Variants in ARHGAP24 observed in about 807,000 individuals in gnomAD.
ARHGAP24 encodes the protein Rho GTPase activating protein 24.
A neutral mutation model predicts 76.4 loss-of-function variants in ARHGAP24; 50 were observed. That is an observed-to-expected ratio of 0.65 (90% confidence interval 0.52 to 0.83). ARHGAP24 has a LOEUF of 0.83. Among genes scored for constraint, ARHGAP24 ranks in the 40% least tolerant of loss-of-function variants. The pLI is 0.00. For synonymous variants in ARHGAP24, 345 were observed against 323.3 expected (o/e 1.07, Z -0.72); for missense variants, 930 against 914.2 (o/e 1.02, Z -0.22).
rs532848418 is a variant in ARHGAP24, at chr4:85,945,128, G to A, written c.599+2855G>A. ...CCCAAAGTGCTGGGATTATAGGCGT[G>A]AGCCACCGCACCCGACCTTTTTTCT... On this transcript the variant is annotated intron_variant, in intron 5 of 9. Coordinates refer to ENST00000395184, the MANE Select transcript of ARHGAP24 (RefSeq NM_001025616.3). 2.9e-3 allele frequency among the ~76,000 whole-genome samples: 441 copies of A among 152,114 alleles called. 2 individuals are homozygous for A. The highest frequency in any genetic ancestry group is 7.8e-3 in the African/African-American group (325 of 41,494).
intron 2 of ARHGAP24, among the ~76,000 whole-genome samples, chr4:85,594,924 A>G (rs1719745161): frequency 6.6e-6 from 1 of 152,076 alleles, no homozygotes; most frequent in Non-Finnish European, 1.5e-5. Context: ...CTATTTAGAA[A>G]AATGAATTTA....
intron 3 of ARHGAP24, among the ~76,000 whole-genome samples, chr4:85,904,509 T>C (rs962483727): frequency 6.6e-6 from 1 of 152,168 alleles, no homozygotes; most frequent in Non-Finnish European, 1.5e-5. Flanking sequence ...ACAAACTATA[T>C]CAAATGTCTT....
At chr4:85,527,722 C>T (rs748621172) in intron 1 of ARHGAP24, among the ~76,000 whole-genome samples, 10 of 151,834 alleles carry the variant, frequency 6.6e-5, no homozygotes, top group Non-Finnish European at 1.2e-4. Flanking sequence ...ATCCTGTTTC[C>T]CAAGCATCAT....
chr4:85,764,393 G>T (rs932295973), intron 3 of ARHGAP24, among the ~76,000 whole-genome samples: 1 of 152,110 alleles, frequency 6.6e-6, no homozygotes, highest in South Asian at 2.1e-4. Context: ...TCAATAAAAC[G>T]CATTCCCAAG....
At chr4:85,961,479 CTT>C (rs1384026534) in intron 5 of ARHGAP24, among the ~76,000 whole-genome samples, 1 of 151,962 alleles carries the variant, frequency 6.6e-6, no homozygotes, top group African/African-American at 2.4e-5. Context: ...GATTTGTTTA[CTT>C]TATTTATTTT....
chr4:85,897,301 T>C (rs1353176060), intron 3 of ARHGAP24, among the ~76,000 whole-genome samples: 1 of 151,992 alleles, frequency 6.6e-6, no homozygotes, highest in Non-Finnish European at 1.5e-5. Flanking sequence ...GAAGGAAAAA[T>C]CACTCCACAG....
intron 1 of ARHGAP24, 66 bp from the exon 2 acceptor site, chr4:85,570,442 TCTGGAGAAGAGTGG>T: frequency 1.2e-6 from 1 of 848,738 alleles, no homozygotes. Context: ...TTTTTTTTTT[TCTGGAGAAGAGTGG>T]TTTAAAAGGG....
intron 3 of ARHGAP24, among the ~76,000 whole-genome samples, chr4:85,745,017 T>G (rs1235820763): frequency 6.6e-6 from 1 of 152,146 alleles, no homozygotes; most frequent in Non-Finnish European, 1.5e-5. Context: ...TCTCCACTAT[T>G]AATTCCAAAC....
At chr4:85,720,964 G>T (rs1216279499) in intron 2 of ARHGAP24, among the ~76,000 whole-genome samples, 1 of 152,014 alleles carries the variant, frequency 6.6e-6, no homozygotes, top group Non-Finnish European at 1.5e-5. Context: ...GTACAGTGAA[G>T]AAATAGATTC....
chr4:85,751,480 G>T (rs945777438), intron 3 of ARHGAP24, among the ~76,000 whole-genome samples: 5 of 152,164 alleles, frequency 3.3e-5, no homozygotes, highest in African/African-American at 1.2e-4. Context: ...GCCAAAATCA[G>T]TCAAAAATTG....
intron 2 of ARHGAP24, among the ~76,000 whole-genome samples, chr4:85,618,361 C>T (rs920313209): frequency 1.3e-5 from 2 of 152,122 alleles, no homozygotes; most frequent in Admixed American, 1.3e-4. Flanking sequence ...ATATTTACCA[C>T]ATTTTCTTTA....
intron 3 of ARHGAP24, among the ~76,000 whole-genome samples, chr4:85,765,782 A>T (rs1282114254): frequency 6.6e-6 from 1 of 152,186 alleles, no homozygotes; most frequent in Non-Finnish European, 1.5e-5. Flanking sequence ...TTTCCTATGA[A>T]AAGTACATTT....
intron 2 of ARHGAP24, among the ~76,000 whole-genome samples, chr4:85,685,581 C>A (rs113416456): frequency 6.7e-6 from 1 of 149,700 alleles, no homozygotes; most frequent in Non-Finnish European, 1.5e-5. Context: ...TGCAGTTAGC[C>A]GAGATCGTGC....
chr4:85,907,166 C>T (rs1560710044), intron 3 of ARHGAP24, among the ~76,000 whole-genome samples: 1 of 152,058 alleles, frequency 6.6e-6, no homozygotes. Flanking sequence ...CTGTTTTACC[C>T]CCTTGTAATT....
intron 4 of ARHGAP24, among the ~76,000 whole-genome samples, chr4:85,926,487 A>G (rs346521): frequency 0.3 from 45,647 of 152,032 alleles, 7,117 homozygotes; most frequent in East Asian, 0.56. Flanking sequence ...TAGAATGTTA[A>G]TACTGATAAG....
rs1472580547 is a variant in ARHGAP24, at chr4:85,942,063, A to G, written c.392-3A>G. ...AAGTTTACTGTGATCCTTTTTTTTT[A>G]AGGCATTTTTGGACAGAAACTGGAG... On this transcript the variant is annotated splice_region_variant and splice_polypyrimidine_tract_variant and intron_variant, in intron 4 of 9. Transcript: ENST00000395184. 1.2e-6 allele frequency: 2 copies of G among 1,611,582 alleles called. No individual in the cohort carries two copies. Among genetic ancestry groups the G allele is most frequent in the Non-Finnish European group, 1.7e-6 (2 of 1,179,250 alleles).
intron 2 of ARHGAP24, among the ~76,000 whole-genome samples, chr4:85,581,160 T>C (rs1427101774): frequency 6.6e-6 from 1 of 152,144 alleles, no homozygotes; most frequent in Non-Finnish European, 1.5e-5. Context: ...CCTTGCCATA[T>C]ACACAAATAT....
intron 3 of ARHGAP24, among the ~76,000 whole-genome samples, chr4:85,728,767 T>A (rs920915199): frequency 6.6e-6 from 1 of 152,206 alleles, no homozygotes; most frequent in Non-Finnish European, 1.5e-5. Context: ...GAAAAAAGTT[T>A]GGCCAATTTT....
intron 3 of ARHGAP24, among the ~76,000 whole-genome samples, chr4:85,765,829 G>A (rs528950214): frequency 6.6e-6 from 1 of 152,102 alleles, no homozygotes; most frequent in South Asian, 2.1e-4. Context: ...TTTAAAACAC[G>A]AGATCTCACA....
Sources: allele counts gnomAD v4.1 joint callset (sites outside exome capture counted in the v4.1 genomes callset), GRCh38; gene constraint gnomAD v4.1.1; transcripts MANE v1.5; gene names NCBI Gene and HGNC (gene_info 2026-07-23, HGNC 2026-07-21).